AKAP8L: variants seen among roughly 807,000 people sequenced by gnomAD.
AKAP8L encodes A-kinase anchor protein 8-like.
A neutral mutation model predicts 77.5 loss-of-function variants in AKAP8L; 34 were observed. That is an observed-to-expected ratio of 0.44 (90% CI 0.33 to 0.58). The LOEUF (loss-of-function observed/expected upper bound fraction) is 0.58, where lower values mean the gene tolerates loss of function less well. AKAP8L is among the 20% of genes least tolerant of loss of function. The pLI, the probability that AKAP8L is intolerant of heterozygous loss-of-function variation, is 0.02. For synonymous variants in AKAP8L, 342 were observed against 340.7 expected, an observed-to-expected ratio of 1.00 and a Z score of -0.04; for missense variants, 806 against 887.6, an observed-to-expected ratio of 0.91 and a Z score of 1.17.
chr19:15,385,511 C>T (rs1178439549), intron 12 of AKAP8L, among the ~76,000 whole-genome samples: 1 of 152,154 alleles, frequency 6.6e-6, no homozygotes, highest in East Asian at 1.9e-4. Context: ...GGAACCATCC[C>T]TCCATTCCAG....
intron 2 of AKAP8L, among the ~76,000 whole-genome samples, chr19:15,407,386 A>G (rs1968020832): frequency 6.6e-6 from 1 of 152,222 alleles, no homozygotes; most frequent in Non-Finnish European, 1.5e-5. Context: ...TGTTTTTCAA[A>G]ATGTTATTTA....
In AKAP8L at chr19:15,394,349, T is replaced by C. The variant is rs1212425918; in HGVS notation, c.1536+2801A>G. Among the ~76,000 whole-genome samples, 3 of 152,168 alleles carry C rather than the reference T, an allele frequency of 2.0e-5. No individual in the cohort carries two copies. In the East Asian group the frequency reaches 5.8e-4, roughly 29 times the overall value. ...ACCACATATTATGTGATTCTGTTTA[T>C]ATGAAGTGTCTAGAATAAGCAAATA... On this transcript the variant is annotated intron_variant, in intron 12 of 13. Transcript: ENST00000397410.
intron 12 of AKAP8L, among the ~76,000 whole-genome samples, chr19:15,386,253 A>G (rs959290098): frequency 6.6e-6 from 1 of 152,072 alleles, no homozygotes; most frequent in Admixed American, 6.6e-5. Context: ...AAACTAATCT[A>G]CAGTTTCATT....
At position 15,399,425 on chromosome 19, in the gene AKAP8L, G is replaced by A. The variant is rs777363521; in HGVS notation, c.1049-15C>T. ...GGTTAGGGCCCCTGTGGGAGCAGAT[G>A]GGCACTGTCACCAATTTGGCTCTGC... On this transcript the variant is annotated splice_polypyrimidine_tract_variant and intron_variant, in intron 8 of 13. Coordinates refer to ENST00000397410, the MANE Select transcript of AKAP8L (RefSeq NM_014371.4). This position sits in a 1 kb window ranked among gnomAD's most constrained non-coding sequence, Gnocchi z 6.1. 2.5e-6 allele frequency: 4 copies of A among 1,603,224 alleles called. No individual in the cohort carries two copies. The Admixed American group carries it at 5.0e-5, about 20-fold the overall frequency.
Position 15,397,083 on chromosome 19 carries a change from C to T in AKAP8L, c.1536+67G>A, listed in dbSNP as rs1314100209. The stretch of plus-strand genomic sequence containing the variant: ...CACGGGCTGGCAGAGGTTCCAACTG[C>T]ACAACCTCCCCAGAGGCCTCACTCA... On this transcript the variant is annotated intron_variant, in intron 12 of 13. Coordinates refer to ENST00000397410, the MANE Select transcript of AKAP8L (RefSeq NM_014371.4). This position sits in a 1 kb window ranked among gnomAD's most constrained non-coding sequence, Gnocchi z 4.7. 1.3e-6 allele frequency: 2 copies of T among 1,594,824 alleles called. No individual in the cohort carries two copies. The highest frequency in any genetic ancestry group is 1.7e-5 in the Admixed American group (1 of 59,472).
chr19:15,387,960 G>A (rs969462383), intron 12 of AKAP8L, among the ~76,000 whole-genome samples: 39 of 151,984 alleles, frequency 2.6e-4, no homozygotes, highest in African/African-American at 9.4e-4. Flanking sequence ...CTCTTGTCTG[G>A]GAGAGGGGGC....
At chr19:15,381,412 G>A (rs1390200859) in intron 12 of AKAP8L, among the ~76,000 whole-genome samples, 1 of 152,176 alleles carries the variant, frequency 6.6e-6, no homozygotes, top group Non-Finnish European at 1.5e-5. Context: ...GAGCATGCCA[G>A]AGCCATTTTG....
intron 4 of AKAP8L, among the ~76,000 whole-genome samples, chr19:15,402,880 T>C (rs535547014): frequency 6.6e-6 from 1 of 152,346 alleles, no homozygotes; most frequent in East Asian, 1.9e-4. Context: ...CCCCACCAAG[T>C]ACTTGCTGCG....
In AKAP8L at chr19:15,395,313, T is replaced by C. The variant is rs546981976; in HGVS notation, c.1536+1837A>G. 1.3e-3 allele frequency among the ~76,000 whole-genome samples: 204 copies of C among 152,006 alleles called. 1 individual carries two copies. Among genetic ancestry groups the C allele is most frequent in the African/African-American group, 4.8e-3 (200 of 41,466 alleles). ...TCCCAAAGTGCCGTGCCCATTGTTTTGGTTTTTTTGTTTTGTTTTGTTTTG... is the reference window on the plus strand; with the variant it reads ...TCCCAAAGTGCCGTGCCCATTGTTTCGGTTTTTTTGTTTTGTTTTGTTTTG... On this transcript the variant is annotated intron_variant, in intron 12 of 13. Transcript: ENST00000397410.
intron 4 of AKAP8L, among the ~76,000 whole-genome samples, chr19:15,402,079 G>A (rs896458483): frequency 1.3e-5 from 2 of 152,164 alleles, no homozygotes; most frequent in Non-Finnish European, 2.9e-5. Context: ...CCTCATGGCT[G>A]GGGAACCTTC....
intron 12 of AKAP8L, chr19:15,380,911 C>G: frequency 2.7e-6 from 1 of 366,262 alleles, no homozygotes; most frequent in Non-Finnish European, 5.0e-6. Flanking sequence ...AAGCAGTGAA[C>G]AATTAAGAAA....
intron 12 of AKAP8L, among the ~76,000 whole-genome samples, chr19:15,388,387 G>GA (rs1459278504): frequency 6.6e-6 from 1 of 152,076 alleles, no homozygotes; most frequent in African/African-American, 2.4e-5. Context: ...GCAGACAATA[G>GA]AAACTTCCTG....
In AKAP8L at chr19:15,401,420, G is replaced by A. The variant is rs1967896528; in HGVS notation, c.546C>T (p.Gly182=). 1 of 1,613,490 alleles carries A rather than the reference G, an allele frequency of 6.2e-7. No individual in the cohort carries two copies. The highest frequency in any genetic ancestry group is 8.5e-7 in the Non-Finnish European group (1 of 1,179,898). Residue 182 remains glycine, a synonymous_variant, in exon 5 of 14, where the codon GGC becomes GGT. Transcript: ENST00000397410. This position sits in a 1 kb window ranked among gnomAD's most constrained non-coding sequence, Gnocchi z 6.2. Reference sequence around the variant, plus strand: ...GGCCGCTCCGGGCATCCCGGGCCCAGCCCTGTGCCCTGGGACCGAAGGTGT... The same window carrying A: ...GGCCGCTCCGGGCATCCCGGGCCCAACCCTGTGCCCTGGGACCGAAGGTGT... ...GNDTFGPRAQ[G]WARDARSGRP...
Position 15,400,858 on chromosome 19 carries a change from C to T in AKAP8L, c.920G>A (p.Gly307Asp). 2 of 1,614,012 alleles carry T rather than the reference C, an allele frequency of 1.2e-6. No individual in the cohort carries two copies. The highest frequency in any genetic ancestry group is 8.5e-7 in the Non-Finnish European group (1 of 1,179,886). The part of the protein sequence containing the change: ...SDNSDSDNDE[G>D]TEGEATEGLE... The stretch of plus-strand genomic sequence containing the variant: ...GCCCTCTGTGGCTTCCCCCTCGGTG[C>T]CCTCATCTGAAAGGGAAAAGGAGGT... The change falls in exon 7 of 14, where the codon GGC becomes GAC. Residue 307 changes from glycine (G) to aspartate (D), a missense_variant. By Grantham distance (94) the Gly-to-Asp change is moderately conservative (BLOSUM62 -1). Coordinates refer to ENST00000397410, the MANE Select transcript of AKAP8L (RefSeq NM_014371.4).
chr19:15,389,719 T>C (rs554017656), intron 12 of AKAP8L, among the ~76,000 whole-genome samples: 1 of 152,132 alleles, frequency 6.6e-6, no homozygotes, highest in South Asian at 2.1e-4. Context: ...TGCAGTGAGC[T>C]GAGATTGTGC....
At chr19:15,395,525 G>C (rs1162394421) in intron 12 of AKAP8L, among the ~76,000 whole-genome samples, 1 of 151,114 alleles carries the variant, frequency 6.6e-6, no homozygotes, top group Admixed American at 6.6e-5. Flanking sequence ...ACGTTGGCCA[G>C]GAAGGTCTCC....
chr19:15,386,959 G>A (rs922546806), intron 12 of AKAP8L, among the ~76,000 whole-genome samples: 1 of 152,004 alleles, frequency 6.6e-6, no homozygotes, highest in African/African-American at 2.4e-5. Flanking sequence ...GTACCCAGCC[G>A]GATGTCAGTA....
At position 15,399,236 on chromosome 19, in the gene AKAP8L, G is replaced by T; in HGVS notation, c.1157+66C>A. On this transcript the variant is annotated intron_variant, in intron 9 of 13. Transcript: ENST00000397410. The surrounding 1 kb of genome is among the most constrained non-coding windows in gnomAD (Gnocchi z 6.1). ...AGGGCGGCGAGCTGGCAGAGCTATGGCCCTGCTCTCCTGGCGGCAGCCCCA... is the reference window on the plus strand; with the variant it reads ...AGGGCGGCGAGCTGGCAGAGCTATGTCCCTGCTCTCCTGGCGGCAGCCCCA... 7.0e-7 allele frequency: 1 copy of T among 1,434,810 alleles called. No homozygotes were observed. Among genetic ancestry groups the T allele is most frequent in the Non-Finnish European group, 9.8e-7 (1 of 1,018,912 alleles). 88.9% of individuals were successfully genotyped at this position (1,434,810 alleles called of 1,614,324 possible). A position where few individuals can be genotyped will look rare whatever the true frequency, so the allele number is the denominator to read the frequency against.
At chr19:15,405,641 G>T (rs1408202512) in intron 2 of AKAP8L, among the ~76,000 whole-genome samples, 1 of 152,030 alleles carries the variant, frequency 6.6e-6, no homozygotes, top group Non-Finnish European at 1.5e-5. Context: ...AAGAAAATAG[G>T]AGTTGGGCGT....
Sources: gnomAD v4.1 joint callset for allele counts (sites outside exome capture counted in the v4.1 genomes callset) on GRCh38, gnomAD v4.1.1 for gene constraint, Gnocchi (gnomAD v3.1) non-coding constraint, MANE v1.5 for transcripts, NCBI Gene and HGNC (gene_info 2026-07-23, HGNC 2026-07-21) for gene names.